The following TNIP1 variants were observed in gnomAD, a reference collection of about 807,000 sequenced individuals.
The protein encoded by TNIP1 is TNFAIP3 interacting protein 1, also known as TNFAIP3-interacting protein 1.
Under a neutral mutation model 86.6 loss-of-function variants are expected in TNIP1, and 22 were observed. That is an observed-to-expected ratio of 0.25 (90% CI 0.18 to 0.36). The LOEUF (loss-of-function observed/expected upper bound fraction) is 0.36. Ranked by LOEUF, TNIP1 falls within the 10% of genes least tolerant of loss-of-function variation. TNIP1 has a pLI of 1.00. For synonymous variants in TNIP1, 294 were observed against 313.0 expected, an observed-to-expected ratio of 0.94 and a Z score of 0.64; for missense variants, 709 against 820.6, an observed-to-expected ratio of 0.86 and a Z score of 1.66.
Position 151,052,955 on chromosome 5 carries a change from A to G in TNIP1, c.628-696T>C, listed in dbSNP as rs73799417. Among the ~76,000 whole-genome samples the G allele has an allele frequency of 9.9e-3, 1,507 of 152,154 alleles. 28 individuals are homozygous for G. The highest frequency in any genetic ancestry group is 0.035 in the African/African-American group (1,433 of 41,522). The stretch of plus-strand genomic sequence containing the variant: ...CCTAGGGGGGCTGAAAGGCACACCA[A>G]TTTGCAGGTGTGAGAGGTGCCCAGT... On this transcript the variant is annotated intron_variant, in intron 6 of 17. Coordinates refer to ENST00000521591, the MANE Select transcript of TNIP1 (RefSeq NM_006058.5).
At chr5:151,035,224 G>A (rs1757542894) in intron 14 of TNIP1, among the ~76,000 whole-genome samples, 157 bp from the exon 15 acceptor site, 1 of 152,214 alleles carries the variant, frequency 6.6e-6, no homozygotes, top group Non-Finnish European at 1.5e-5. Context: ...TGAGGGCGGA[G>A]CACAGCCCAG....
intron 1 of TNIP1, among the ~76,000 whole-genome samples, chr5:151,077,213 T>G (rs994311469): frequency 9.2e-5 from 14 of 152,040 alleles, no homozygotes. Context: ...ATAACTAACC[T>G]CCCGTCCCCC....
At chr5:151,058,778 G>A (rs1761010961) in intron 5 of TNIP1, among the ~76,000 whole-genome samples, 1 of 152,174 alleles carries the variant, frequency 6.6e-6, no homozygotes, top group Non-Finnish European at 1.5e-5. Flanking sequence ...ATGGGGAGGA[G>A]GAACTTGCCC....
chr5:151,056,912 G>A lies in TNIP1; in HGVS notation c.481C>T (p.Leu161=). 1 of 1,591,756 alleles carries A rather than the reference G, an allele frequency of 6.3e-7. No homozygotes were observed. Among genetic ancestry groups the A allele is most frequent in the Non-Finnish European group, 8.5e-7 (1 of 1,169,770 alleles). Residue 161 remains leucine, a synonymous_variant, in exon 6 of 18, where the codon CTG becomes TTG. Transcript: ENST00000521591. ...CTCAGCGTGGTCTCCAGGCGCTGCAGGTGCAGCATCAGGTTGCCGTCCTCA... is the reference window on the plus strand; with the variant it reads ...CTCAGCGTGGTCTCCAGGCGCTGCAAGTGCAGCATCAGGTTGCCGTCCTCA... The part of the protein sequence containing the change: ...PREDGNLMLH[L]QRLETTLSVC...
At chr5:151,059,895 G>A (rs1264128541) in intron 5 of TNIP1, among the ~76,000 whole-genome samples, 1 of 144,764 alleles carries the variant, frequency 6.9e-6, no homozygotes, top group Non-Finnish European at 1.5e-5. Context: ...GCGTGTAAGT[G>A]GAAAGTTGAA....
chr5:151,045,584 T>C (rs1759052037), intron 9 of TNIP1, among the ~76,000 whole-genome samples: 1 of 152,184 alleles, frequency 6.6e-6, no homozygotes, highest in African/African-American at 2.4e-5. Context: ...AGGTCTACCA[T>C]AGGAGCCTGC....
In TNIP1 at chr5:151,030,687, G is replaced by A; in HGVS notation, c.*26C>T. 1 of 1,614,162 alleles carries A rather than the reference G, an allele frequency of 6.2e-7. No homozygotes were observed. Among genetic ancestry groups the A allele is most frequent in the South Asian group, 1.1e-5 (1 of 91,074 alleles). ...GATCAGCTGGCTCTGCAAGATGAAG[G>A]TGGAGCCAAATGACACAATCTGGTC... is the stretch of plus-strand genomic sequence containing the variant. On this transcript the variant is annotated 3_prime_UTR_variant, in exon 18 of 18. Transcript: ENST00000521591.
At chr5:151,073,598 A>G (rs867044154) in intron 1 of TNIP1, among the ~76,000 whole-genome samples, 4 of 108,382 alleles carry the variant, frequency 3.7e-5, no homozygotes, top group South Asian at 2.7e-4. Context: ...GTGTGTGTGT[A>G]TACATACGGA....
At chr5:151,065,180 C>A in intron 1 of TNIP1, 49 bp from the exon 2 acceptor site, 4 of 1,511,704 alleles carry the variant, frequency 2.6e-6, no homozygotes, top group African/African-American at 1.4e-5. Flanking sequence ...GCCATGGGGG[C>A]ATCCTTTGCA....
chr5:151,080,621 A>G (rs541801915), intron 1 of TNIP1, among the ~76,000 whole-genome samples: 118 of 152,306 alleles, frequency 7.7e-4, no homozygotes, highest in African/African-American at 2.7e-3. Flanking sequence ...TGCGCTCTCT[A>G]CAACCGCCCC....
intron 14 of TNIP1, 56 bp downstream of exon 14, chr5:151,035,526 C>T (rs947307940): frequency 5.2e-5 from 84 of 1,612,382 alleles, no homozygotes; most frequent in Middle Eastern, 1.6e-4. Flanking sequence ...CCAATCCATG[C>T]CCCCTCTCCC....
In TNIP1 at chr5:151,049,831, T is replaced by C. The variant is rs1759669169; in HGVS notation, c.839A>G (p.Gln280Arg). ...GAATTTCTGACCACATACCTGCTGC[T>C]GTCCAGCCACTGCCTTCTTGCCTGT... ...EGTGKKAVAG[Q>R]QQASVTAGKV... Residue 280 changes from glutamine (Q) to arginine (R), a missense_variant, in exon 8 of 18, where the codon CAG (glutamine) becomes CGG (arginine). Gln to Arg is a conservative substitution (Grantham distance 43). Coordinates refer to ENST00000521591, the MANE Select transcript of TNIP1 (RefSeq NM_006058.5). The C allele has an allele frequency of 1.9e-6, 3 of 1,614,104 alleles. No individual in the cohort carries two copies. The highest frequency in any genetic ancestry group is 2.5e-6 in the Non-Finnish European group (3 of 1,180,030).
intron 5 of TNIP1, among the ~76,000 whole-genome samples, chr5:151,058,527 G>A (rs147639507): frequency 9.2e-5 from 14 of 152,324 alleles, no homozygotes; most frequent in Non-Finnish European, 1.6e-4. Flanking sequence ...TACAGCCGCA[G>A]GTCCCATCCA....
At chr5:151,085,203 T>C (rs566860917), upstream of TNIP1, among the ~76,000 whole-genome samples, 339 of 152,352 alleles carry the variant, frequency 2.2e-3, 2 homozygotes, top group Non-Finnish European at 4.1e-3. Context: ...ATCACAGCCC[T>C]GCCACTTACA....
chr5:151,058,189 G>C (rs189752036), intron 5 of TNIP1, among the ~76,000 whole-genome samples: 4 of 152,338 alleles, frequency 2.6e-5, no homozygotes, highest in Admixed American at 2.0e-4. Context: ...CCAAAGTACT[G>C]AGATTACAGG....
intron 1 of TNIP1, among the ~76,000 whole-genome samples, chr5:151,065,557 A>T (rs1260244775): frequency 6.6e-6 from 1 of 152,174 alleles, no homozygotes; most frequent in African/African-American, 2.4e-5. Context: ...CCCAATAAAC[A>T]CTTACTCAAT....
intron 15 of TNIP1, among the ~76,000 whole-genome samples, 185 bp from the exon 16 acceptor site, chr5:151,033,984 G>GAT (rs1673552827): frequency 6.6e-6 from 1 of 152,264 alleles, no homozygotes; most frequent in South Asian, 2.1e-4. Context: ...TAGAAGGCTG[G>GAT]ATATATGAGC....
At chr5:151,059,779 CAGAGAGAGAGAGAGAGAGAG>C (rs55637016) in intron 5 of TNIP1, among the ~76,000 whole-genome samples, 79 of 67,384 alleles carry the variant, frequency 1.2e-3, no homozygotes, top group East Asian at 9.7e-3. Flanking sequence ...GTACGAGAGA[CAGAGAGAGAGAGAGAGAGAG>C]AGAGAGAGAG....
At chr5:151,033,310 G>A (rs1757166624) in intron 16 of TNIP1, among the ~76,000 whole-genome samples, 1 of 152,014 alleles carries the variant, frequency 6.6e-6, no homozygotes, top group Non-Finnish European at 1.5e-5. Context: ...CCCAAACTCT[G>A]ATACCCATGG....
Sources: allele counts gnomAD v4.1 joint callset (sites outside exome capture counted in the v4.1 genomes callset), GRCh38; gene constraint gnomAD v4.1.1; transcripts MANE v1.5; gene names NCBI Gene and HGNC (gene_info 2026-07-23, HGNC 2026-07-21).